CDK5RAP2: variants seen among roughly 807,000 people sequenced by gnomAD.
CDK5RAP2 encodes CDK5 regulatory subunit associated protein 2.
Under a neutral mutation model 232.9 loss-of-function variants are expected in CDK5RAP2, and 147 were observed. The observed-to-expected ratio is 0.63, with a 90% CI of 0.55 to 0.72. CDK5RAP2 has a LOEUF of 0.72. CDK5RAP2 is among the 30% of genes least tolerant of loss of function. CDK5RAP2 has a pLI of 0.00. For synonymous variants in CDK5RAP2, 833 were observed against 833.7 expected, an observed-to-expected ratio of 1.00 and a Z score of 0.01; for missense variants, 2,195 against 2,231.5, an observed-to-expected ratio of 0.98 and a Z score of 0.33.
chr9:120,390,741 C>G (rs2031875405), intron 36 of CDK5RAP2, among the ~76,000 whole-genome samples: 1 of 152,214 alleles, frequency 6.6e-6, no homozygotes, highest in Non-Finnish European at 1.5e-5. Context: ...CTTTAGCCAA[C>G]AGTGCCAGAG....
intron 3 of CDK5RAP2, among the ~76,000 whole-genome samples, chr9:120,563,228 C>T (rs2132140245): frequency 6.6e-6 from 1 of 152,188 alleles, no homozygotes. Flanking sequence ...GGAGCATGCA[C>T]GTAGGCCCTG....
intron 35 of CDK5RAP2, among the ~76,000 whole-genome samples, chr9:120,397,467 G>T (rs565643596): frequency 1.0e-3 from 150 of 144,572 alleles, no homozygotes; most frequent in Middle Eastern, 4.0e-3. Context: ...TCTGGCCTCA[G>T]GTGATCCTCC....
intron 3 of CDK5RAP2, among the ~76,000 whole-genome samples, chr9:120,566,810 C>T (rs1278623325): frequency 6.6e-6 from 1 of 152,240 alleles, no homozygotes; most frequent in African/African-American, 2.4e-5. Flanking sequence ...AATTTTGTCA[C>T]ATCACATCCC....
rs115705588 is a variant in CDK5RAP2, at chr9:120,510,362, A to C, written c.1311+8065T>G. ...GTCAGGGTAGCGGATGACGGGTCTC[A>C]TAACAGATGAAAGCATTCTGAAATA... On this transcript the variant is annotated intron_variant, in intron 12 of 37. Coordinates refer to ENST00000349780, the MANE Select transcript of CDK5RAP2 (RefSeq NM_018249.6). 7.3e-3 allele frequency among the ~76,000 whole-genome samples: 1,113 copies of C among 152,312 alleles called. 13 individuals carry two copies. The highest frequency in any genetic ancestry group is 0.025 in the African/African-American group (1,029 of 41,560).
rs369369444 is a variant in CDK5RAP2, at chr9:120,568,983, C to T, written c.128-595G>A. On this transcript the variant is annotated intron_variant, in intron 2 of 37. Transcript: ENST00000349780. The stretch of plus-strand genomic sequence containing the variant: ...ACCTGTTTTAAAGACTATGGCAATA[C>T]CCAAATCTCTCCGCAGCATCTTTAA... Among the ~76,000 whole-genome samples, 12 of 152,282 alleles carry T rather than the reference C, an allele frequency of 7.9e-5. No homozygotes were observed. The South Asian group carries it at 2.1e-3, about 26-fold the overall frequency.
intron 3 of CDK5RAP2, among the ~76,000 whole-genome samples, chr9:120,553,397 T>C (rs2042115607): frequency 6.6e-6 from 1 of 152,222 alleles, no homozygotes; most frequent in African/African-American, 2.4e-5. Flanking sequence ...CATGTTTAAA[T>C]AGCTAAATGT....
chr9:120,521,609 C>A (rs2040658580), intron 11 of CDK5RAP2, among the ~76,000 whole-genome samples: 1 of 151,826 alleles, frequency 6.6e-6, no homozygotes, highest in African/African-American at 2.4e-5. Flanking sequence ...GCCTCCCCAG[C>A]CATAAAGAAT....
intron 36 of CDK5RAP2, among the ~76,000 whole-genome samples, chr9:120,392,258 G>A (rs774083802): frequency 9.9e-5 from 15 of 152,154 alleles, no homozygotes; most frequent in Non-Finnish European, 1.5e-4. Context: ...TATTGAACCC[G>A]GGACCAACTA....
At chr9:120,515,839 G>C (rs10984935) in intron 12 of CDK5RAP2, among the ~76,000 whole-genome samples, 12,303 of 152,298 alleles carry the variant, frequency 0.081, 711 homozygotes, top group East Asian at 0.29. Context: ...ACACCAGTTA[G>C]AATGGCGATC....
chr9:120,485,445 C>T (rs561577414), intron 14 of CDK5RAP2, among the ~76,000 whole-genome samples: 1 of 152,160 alleles, frequency 6.6e-6, no homozygotes, highest in East Asian at 1.9e-4. Flanking sequence ...CAGGCATGTG[C>T]CACCACACCC....
chr9:120,463,285 G>A (rs920400614), intron 18 of CDK5RAP2, among the ~76,000 whole-genome samples: 4 of 152,104 alleles, frequency 2.6e-5, no homozygotes, highest in African/African-American at 9.7e-5. Flanking sequence ...ACAGGAGACT[G>A]GCATGAACCC....
intron 32 of CDK5RAP2, among the ~76,000 whole-genome samples, chr9:120,405,055 G>A (rs1448841674): frequency 3.3e-5 from 5 of 152,130 alleles, no homozygotes; most frequent in South Asian, 2.1e-4. Flanking sequence ...TCCCCCTTCC[G>A]AGCTCCTGCA....
rs112262521 is a variant in CDK5RAP2 at position 120,447,284 on chromosome 9, G to C, written c.3025+611C>G. Among the ~76,000 whole-genome samples the C allele has an allele frequency of 1.4e-3, 219 of 152,218 alleles. 1 individual carries two copies. Among genetic ancestry groups the C allele is most frequent in the African/African-American group, 5.1e-3 (212 of 41,542 alleles). On this transcript the variant is annotated intron_variant, in intron 22 of 37. Transcript: ENST00000349780. ...CCTCTGCTTTCTTCAGATTCTCAAA[G>C]GGTTAGTGGTCCAAAATCTCTAAGC...
At chr9:120,413,449 T>G (rs934712366) in intron 28 of CDK5RAP2, among the ~76,000 whole-genome samples, 10 of 151,764 alleles carry the variant, frequency 6.6e-5, no homozygotes, top group Admixed American at 3.9e-4. Flanking sequence ...CCACTTTTAT[T>G]CCTTTGTATT....
At chr9:120,496,659 GGCCA>G (rs2039273142) in intron 12 of CDK5RAP2, among the ~76,000 whole-genome samples, 1 of 142,990 alleles carries the variant, frequency 7.0e-6, no homozygotes, top group African/African-American at 2.7e-5. Context: ...CCCTCTGCCC[GGCCA>G]GCCGCCCCGT....
intron 35 of CDK5RAP2, among the ~76,000 whole-genome samples, chr9:120,399,332 A>G (rs1286463145): frequency 1.3e-5 from 2 of 152,224 alleles, no homozygotes; most frequent in Admixed American, 1.3e-4. Flanking sequence ...GTTTATGTTA[A>G]AATCATATGA....
At chr9:120,570,417 A>T (rs1194091170) in intron 2 of CDK5RAP2, among the ~76,000 whole-genome samples, 9 of 152,174 alleles carry the variant, frequency 5.9e-5, no homozygotes, top group Non-Finnish European at 5.9e-5. Flanking sequence ...TTTGCTCCTG[A>T]CACTGACCAT....
At chr9:120,557,288 T>A (rs1010078096) in intron 3 of CDK5RAP2, among the ~76,000 whole-genome samples, 2 of 152,198 alleles carry the variant, frequency 1.3e-5, no homozygotes, top group African/African-American at 4.8e-5. Context: ...TCCTTCTTCA[T>A]GTTTCCACAC....
At chr9:120,448,225 A>G in intron 21 of CDK5RAP2, 99 bp from the exon 22 acceptor site, 1 of 1,020,078 alleles carries the variant, frequency 9.8e-7, no homozygotes, top group Non-Finnish European at 1.6e-6. Context: ...CGGAATTCGA[A>G]CTGGCTGCCC....
Sources: gnomAD v4.1 joint callset for allele counts (sites outside exome capture counted in the v4.1 genomes callset) on GRCh38, gnomAD v4.1.1 for gene constraint, MANE v1.5 for transcripts, NCBI Gene and HGNC (gene_info 2026-07-23, HGNC 2026-07-21) for gene names.